Variants in DUS2 observed in about 807,000 individuals in gnomAD.
DUS2 encodes the protein tRNA-dihydrouridine(20) synthase [NAD(P)+]-like.
Under a neutral mutation model 71.3 loss-of-function variants are expected in DUS2, and 52 were observed. The ratio of observed to expected loss-of-function variants is 0.73; its 90% CI spans 0.58 to 0.92. The LOEUF is 0.92. Among genes scored for constraint, DUS2 ranks in the 40% least tolerant of loss-of-function variants. The pLI, the probability that DUS2 is intolerant of heterozygous loss-of-function variation, is 0.00. For missense variants in DUS2, 558 were observed against 622.6 expected (o/e 0.90, Z 1.10); for synonymous variants, 204 against 227.8 (o/e 0.90, Z 0.94).
intron 6 of DUS2, 106 bp downstream of exon 6, chr16:68,054,723 C>CCATT (rs1460449215): frequency 7.5e-7 from 1 of 1,329,618 alleles, no homozygotes; most frequent in Non-Finnish European, 1.1e-6. Flanking sequence ...GCCTTCTAGC[C>CCATT]CATTACCTTC....
At chr16:68,066,016 C>T (rs1277621080) in intron 8 of DUS2, among the ~76,000 whole-genome samples, 1 of 152,164 alleles carries the variant, frequency 6.6e-6, no homozygotes, top group Non-Finnish European at 1.5e-5. Context: ...GGCAAAGGCT[C>T]AGTGAGCTGC....
chr16:68,046,404 A>C (rs1598305633), intron 3 of DUS2, among the ~76,000 whole-genome samples: 1 of 148,434 alleles, frequency 6.7e-6, no homozygotes, highest in Admixed American at 6.7e-5. Flanking sequence ...TTTGAAACGG[A>C]GTCTCCTTCT....
intron 5 of DUS2, among the ~76,000 whole-genome samples, chr16:68,054,360 A>G (rs2033820578): frequency 6.6e-6 from 1 of 152,236 alleles, no homozygotes; most frequent in African/African-American, 2.4e-5. Flanking sequence ...GAGTGTAATC[A>G]TAGTATAGAT....
At chr16:68,032,148 G>T (rs2033449770) in intron 2 of DUS2, among the ~76,000 whole-genome samples, 1 of 152,220 alleles carries the variant, frequency 6.6e-6, no homozygotes, top group Non-Finnish European at 1.5e-5. Flanking sequence ...AGGCATGGGG[G>T]CTGCCTAGTT....
At chr16:68,067,632 A>T (rs1216605862) in intron 10 of DUS2, among the ~76,000 whole-genome samples, 1 of 151,616 alleles carries the variant, frequency 6.6e-6, no homozygotes. Context: ...GAATAATCCC[A>T]GACAGACTGC....
chr16:68,067,849 G>A (rs1044895064), intron 10 of DUS2, among the ~76,000 whole-genome samples: 2 of 150,772 alleles, frequency 1.3e-5, no homozygotes, highest in African/African-American at 2.4e-5. Context: ...TTGTAGTGAC[G>A]GGATCTCCTT....
intron 2 of DUS2, among the ~76,000 whole-genome samples, chr16:68,035,240 T>C (rs2033499751): frequency 6.6e-6 from 1 of 152,144 alleles, no homozygotes; most frequent in Non-Finnish European, 1.5e-5. Flanking sequence ...CCACTCTTAG[T>C]GCAGCAGTCA....
At chr16:68,071,393 G>A (rs755069989) in intron 12 of DUS2, among the ~76,000 whole-genome samples, 12 of 152,134 alleles carry the variant, frequency 7.9e-5, no homozygotes, top group African/African-American at 2.9e-4. Context: ...TTGGAACCCC[G>A]AACACATGAT....
chr16:68,070,860 A>T (rs2034074164), intron 11 of DUS2, 80 bp from the exon 12 acceptor site: 1 of 1,489,614 alleles, frequency 6.7e-7, no homozygotes, highest in Non-Finnish European at 9.3e-7. Flanking sequence ...AATCAGTGGC[A>T]GATCTGAGAG....
chr16:68,078,802 G>A lies in DUS2; in HGVS notation c.1298G>A (p.Ser433Asn), dbSNP rs1421501940. ...EQAAAIVCLRSQGLPEGRLGE... is the reference protein window; with the variant it reads ...EQAAAIVCLRNQGLPEGRLGE... ...GCTGCAGCCATCGTCTGTCTGCGGA[G>A]CCAGGGCCTCCCTGAGGGTCGGCTG... Residue 433 changes from serine to asparagine, a missense_variant, in exon 17 of 17, where the codon AGC becomes AAC. By Grantham distance (46) the Ser-to-Asn change is conservative. Coordinates refer to ENST00000565263, the MANE Select transcript of DUS2 (RefSeq NM_017803.5). 6.2e-7 allele frequency: 1 copy of A among 1,612,870 alleles called. No homozygotes were observed. Among genetic ancestry groups the A allele is most frequent in the Non-Finnish European group, 8.5e-7 (1 of 1,179,458 alleles).
chr16:68,075,516 G>A lies in DUS2; in HGVS notation c.1082+12G>A, dbSNP rs1412326286. ...GTCAAGTTTGACCGGTAGGTCTCCA[G>A]CTTGGCCTCAGCTTGGGCTAGGGCC... On this transcript the variant is annotated intron_variant, in intron 14 of 16. Transcript: ENST00000565263. 5.0e-6 allele frequency: 8 copies of A among 1,608,532 alleles called. No homozygotes were observed. Among genetic ancestry groups the A allele is most frequent in the Non-Finnish European group, 4.2e-6 (5 of 1,176,908 alleles).
At chr16:68,037,941 TC>T in intron 2 of DUS2, 64 bp from the exon 3 acceptor site, 1 of 1,524,000 alleles carries the variant, frequency 6.6e-7, no homozygotes, top group South Asian at 1.2e-5. Context: ...GGAAGCCTGC[TC>T]TTGATAACAG....
At chr16:68,056,652 T>G (rs1416269744) in intron 7 of DUS2, among the ~76,000 whole-genome samples, 1 of 151,952 alleles carries the variant, frequency 6.6e-6, no homozygotes, top group African/African-American at 2.4e-5. Flanking sequence ...TGTGGTTATG[T>G]AACAGAATAT....
At chr16:68,061,645 G>A (rs1192793951) in intron 8 of DUS2, among the ~76,000 whole-genome samples, 6 of 152,206 alleles carry the variant, frequency 3.9e-5, no homozygotes. Context: ...TTTCTTTGGT[G>A]ATTCTGTAGG....
rs559084303 is a variant in DUS2 at position 68,040,088 on chromosome 16, CT to C, written c.126+1952del. Among the ~76,000 whole-genome samples the C allele has an allele frequency of 7.2e-3, 1,015 of 141,164 alleles. 6 individuals are homozygous for C. The highest frequency in any genetic ancestry group is 0.018 in the African/African-American group (693 of 38,770). The allele number at this position is 141,164 out of a possible 152,430, so 92.6% of individuals were successfully genotyped here. The stretch of plus-strand genomic sequence containing the variant: ...GAAGAGGACAGGAATCTTTTTTTTT[CT>C]TTTTTTTTTTTTAAGACAGTGTCTC... On this transcript the variant is annotated intron_variant, in intron 3 of 16. Transcript: ENST00000565263.
At chr16:68,070,834 C>T in intron 11 of DUS2, 106 bp from the exon 12 acceptor site, 1 of 1,274,172 alleles carries the variant, frequency 7.8e-7, no homozygotes, top group Non-Finnish European at 1.1e-6. Context: ...AGGGACTTGG[C>T]CAAATTCACA....
intron 9 of DUS2, 67 bp downstream of exon 9, chr16:68,066,449 G>C (rs73604372): frequency 1.0e-5 from 16 of 1,590,726 alleles, no homozygotes; most frequent in African/African-American, 2.7e-5. Context: ...GTTTGTGAAC[G>C]ATTCTTGAGG....
chr16:68,070,373 C>T (rs1336681278), intron 11 of DUS2, among the ~76,000 whole-genome samples, 153 bp downstream of exon 11: 1 of 152,182 alleles, frequency 6.6e-6, no homozygotes, highest in African/African-American at 2.4e-5. Flanking sequence ...CCTTCTGCTG[C>T]CACCTGAGAC....
At chr16:68,047,344 G>A (rs1320909657) in intron 3 of DUS2, among the ~76,000 whole-genome samples, 1 of 151,892 alleles carries the variant, frequency 6.6e-6, no homozygotes, top group Non-Finnish European at 1.5e-5. Flanking sequence ...GTGAGCTGCC[G>A]CGTCTGGCCT....
Sources: gnomAD v4.1 joint callset for allele counts (sites outside exome capture counted in the v4.1 genomes callset) on GRCh38, gnomAD v4.1.1 for gene constraint, MANE v1.5 for transcripts, NCBI Gene and HGNC (gene_info 2026-07-23, HGNC 2026-07-21) for gene names.